CCL24: variants seen among roughly 807,000 people sequenced by gnomAD.
The protein encoded by CCL24 is C-C motif chemokine ligand 24.
A neutral mutation model predicts 8.6 loss-of-function variants in CCL24; 6 were observed. The ratio of observed to expected loss-of-function variants is 0.70; its 90% CI spans 0.38 to 1.38. The LOEUF is 1.38. CCL24 is among the 40% of genes most tolerant of loss of function. The pLI is 0.02. For missense variants in CCL24, 126 were observed against 147.1 expected, an observed-to-expected ratio of 0.86 and a Z score of 0.74; for synonymous variants, 59 against 52.7, an observed-to-expected ratio of 1.12 and a Z score of -0.52.
chr7:75,820,923 TCATCCATCCATC>T lies in CCL24; in HGVS notation c.-60+2387_-60+2398del, dbSNP rs150165581. On this transcript the variant is annotated intron_variant, in intron 1 of 3. Transcript: ENST00000416943. ...TTAATCCATCCATCTATCCATCAAT[TCATCCATCCATC>T]CATCCATCCATCCATCCATCCATCC... Among the ~76,000 whole-genome samples, 128 of 144,350 alleles carry T rather than the reference TCATCCATCCATC, an allele frequency of 8.9e-4. 1 individual carries two copies. The highest frequency in any genetic ancestry group is 3.9e-3 in the Admixed American group (56 of 14,440). 94.7% of individuals were successfully genotyped at this position (144,350 alleles called of 152,430 possible).
upstream of CCL24, among the ~76,000 whole-genome samples, chr7:75,817,418 T>A (rs1442674920): frequency 1.3e-5 from 2 of 151,022 alleles, no homozygotes; most frequent in Non-Finnish European, 2.9e-5. Context: ...GGTCATTGGG[T>A]GGGAGTGTGT....
At chr7:75,819,688 C>G (rs1803983261) in intron 1 of CCL24, among the ~76,000 whole-genome samples, 1 of 151,910 alleles carries the variant, frequency 6.6e-6, no homozygotes, top group African/African-American at 2.4e-5. Context: ...GGCACTGGAT[C>G]TGATGGCCCT....
upstream of CCL24, among the ~76,000 whole-genome samples, chr7:75,816,618 G>A (rs1554534179): frequency 6.6e-6 from 1 of 151,594 alleles, no homozygotes; most frequent in Non-Finnish European, 1.5e-5. Context: ...CTGGAGTGCA[G>A]TGGCGCGATC....
intron 1 of CCL24, among the ~76,000 whole-genome samples, chr7:75,820,018 A>ACTACTTCTTCTTCTT (rs1554534776): frequency 3.8e-5 from 4 of 104,816 alleles, no homozygotes; most frequent in African/African-American, 1.4e-4. Flanking sequence ...TTAGTAAACT[A>ACTACTTCTTCTTCTT]CTTCTTCTTC....
chr7:75,822,702 G>A (rs1234987690), intron 1 of CCL24, among the ~76,000 whole-genome samples: 1 of 152,120 alleles, frequency 6.6e-6, no homozygotes, highest in Non-Finnish European at 1.5e-5. Flanking sequence ...GGTGGCAGGT[G>A]CCTGTAATCC....
At chr7:75,820,232 G>T (rs1804018152) in intron 1 of CCL24, among the ~76,000 whole-genome samples, 1 of 150,150 alleles carries the variant, frequency 6.7e-6, no homozygotes, top group Admixed American at 6.7e-5. Context: ...TGTCGTCCAG[G>T]CAACAGCACA....
At chr7:75,816,967 C>T (rs782103410), upstream of CCL24, among the ~76,000 whole-genome samples, 6 of 151,984 alleles carry the variant, frequency 3.9e-5, no homozygotes, top group African/African-American at 7.3e-5. Flanking sequence ...TGGACTCAGG[C>T]GATCCTCCTG....
upstream of CCL24, among the ~76,000 whole-genome samples, chr7:75,818,163 A>C (rs905343968): frequency 6.6e-6 from 1 of 152,114 alleles, no homozygotes; most frequent in African/African-American, 2.4e-5. Flanking sequence ...TATACAGGGA[A>C]ATTGTTAAGG....
At chr7:75,822,697 C>G (rs911207781) in intron 1 of CCL24, among the ~76,000 whole-genome samples, 5 of 152,252 alleles carry the variant, frequency 3.3e-5, no homozygotes, top group East Asian at 1.9e-4. Flanking sequence ...GGCGTGGTGG[C>G]AGGTGCCTGT....
rs910938912 is a variant in CCL24, at chr7:75,811,617, C to T, written c.*179G>A. 9.1e-6 allele frequency: 5 copies of T among 548,158 alleles called. No homozygotes were observed. The highest frequency in any genetic ancestry group is 2.7e-5 in the South Asian group (1 of 37,002). 34.0% of individuals were successfully genotyped at this position (548,158 alleles called of 1,614,324 possible). A position where few individuals can be genotyped will look rare whatever the true frequency, so the allele number is the denominator to read the frequency against. On this transcript the variant is annotated 3_prime_UTR_variant, in exon 3 of 3. Coordinates refer to ENST00000222902, the MANE Select transcript of CCL24 (RefSeq NM_002991.3). ...TTGGATGCTTGGAGCCATTGCTCAG[C>T]CCCCGGGAACCACATCACCTGCTCC... is the stretch of plus-strand genomic sequence containing the variant.
rs1803761543 is a variant in CCL24, at chr7:75,811,611, G to T, written c.*185C>A. On this transcript the variant is annotated 3_prime_UTR_variant, in exon 3 of 3. Coordinates refer to ENST00000222902, the MANE Select transcript of CCL24 (RefSeq NM_002991.3). ...GGGGCCTTGGATGCTTGGAGCCATT[G>T]CTCAGCCCCCGGGAACCACATCACC... The T allele has an allele frequency of 1.3e-5, 7 of 535,152 alleles. No individual in the cohort carries two copies. Among genetic ancestry groups the T allele is most frequent in the Non-Finnish European group, 6.5e-6 (2 of 309,074 alleles). 33.2% of individuals were successfully genotyped at this position (535,152 alleles called of 1,614,324 possible). A position where few individuals can be genotyped will look rare whatever the true frequency, so the allele number is the denominator to read the frequency against.
upstream of CCL24, among the ~76,000 whole-genome samples, chr7:75,817,874 A>C (rs1380953601): frequency 1.3e-5 from 2 of 151,686 alleles, no homozygotes; most frequent in Non-Finnish European, 2.9e-5. Flanking sequence ...TTTGTCACCC[A>C]GGCTGGAGTG....
rs1188163813 is a variant in CCL24, at chr7:75,820,701, C to T, written c.-60+2621G>A. On this transcript the variant is annotated intron_variant, in intron 1 of 3. Transcript: ENST00000416943. ...CCATCCATCCACTTATTCATCCATCCACCCTTCATCCATCTACCCATCCAC... is the reference window on the plus strand; with the variant it reads ...CCATCCATCCACTTATTCATCCATCTACCCTTCATCCATCTACCCATCCAC... Among the ~76,000 whole-genome samples the T allele has an allele frequency of 4.2e-5, 6 of 144,022 alleles. No individual in the cohort carries two copies. The East Asian group carries it at 8.8e-4, about 21-fold the overall frequency. The allele number at this position is 144,022 out of a possible 152,430, so 94.5% of individuals were successfully genotyped here.
chr7:75,812,086 G>A, intron 2 of CCL24, 122 bp from the exon 3 acceptor site: 2 of 742,214 alleles, frequency 2.7e-6, no homozygotes, highest in Non-Finnish European at 4.4e-6. Context: ...TTGCTGAGAT[G>A]ATGTCATCTT....
In CCL24 at chr7:75,820,155, CTCCTT is replaced by C. The variant is rs1563354099; in HGVS notation, c.-60+3162_-60+3166del. Among the ~76,000 whole-genome samples, 280 of 35,422 alleles carry C rather than the reference CTCCTT, an allele frequency of 7.9e-3. 7 individuals are homozygous for C. Among genetic ancestry groups the C allele is most frequent in the Middle Eastern group, 0.014 (1 of 72 alleles). The allele number at this position is 35,422 out of a possible 152,430, so 23.2% of individuals were successfully genotyped here. On this transcript the variant is annotated intron_variant, in intron 1 of 3. Transcript: ENST00000416943. ...TCTCCTCCTCCTCCTCCTCCTCCTT[CTCCTT>C]CTCCTTCTCCTTCTCCTTCTCCTTC...
At chr7:75,819,114 C>T (rs1459104436) in intron 1 of CCL24, among the ~76,000 whole-genome samples, 4 of 146,636 alleles carry the variant, frequency 2.7e-5, no homozygotes, top group Non-Finnish European at 4.5e-5. Context: ...ACTAAAAATA[C>T]AAAACCAGCT....
chr7:75,817,295 G>C (rs7776672), upstream of CCL24, among the ~76,000 whole-genome samples: 27,405 of 151,668 alleles, frequency 0.18, 3,171 homozygotes, highest in East Asian at 0.47. Context: ...GAGGAAGTTG[G>C]GGGGAGAAAG....
intron 2 of CCL24, 87 bp downstream of exon 2, chr7:75,813,219 G>T: frequency 1.3e-6 from 1 of 750,652 alleles, no homozygotes; most frequent in East Asian, 2.6e-5. Flanking sequence ...GCACAGAGCT[G>T]GGGCTGGCTG....
At chr7:75,816,665 G>A (rs141395073), upstream of CCL24, among the ~76,000 whole-genome samples, 12,355 of 151,492 alleles carry the variant, frequency 0.082, 759 homozygotes, top group East Asian at 0.31. Flanking sequence ...AGGTTCAAGC[G>A]ATTCTCCCGC....
Sources: gnomAD v4.1 joint callset for allele counts (sites outside exome capture counted in the v4.1 genomes callset) on GRCh38, gnomAD v4.1.1 for gene constraint, MANE v1.5 for transcripts, NCBI Gene and HGNC (gene_info 2026-07-23, HGNC 2026-07-21) for gene names.